Variants in ZDHHC21 observed in about 807,000 individuals in gnomAD.
ZDHHC21 encodes the protein palmitoyltransferase ZDHHC21.
In ZDHHC21, 15 loss-of-function variants were observed where a neutral mutation model predicts 34.6. The observed-to-expected ratio is 0.43, with a 90% CI of 0.29 to 0.67. The LOEUF (loss-of-function observed/expected upper bound fraction) is 0.67, where lower values mean the gene tolerates loss of function less well. Ranked by LOEUF, ZDHHC21 falls within the 30% of genes least tolerant of loss-of-function variation. The pLI is 0.14. For missense variants in ZDHHC21, 344 were observed against 327.7 expected (o/e 1.05, Z -0.38); for synonymous variants, 142 against 101.8 (o/e 1.40, Z -2.38).
intron 7 of ZDHHC21, among the ~76,000 whole-genome samples, chr9:14,651,430 C>T (rs780452559): frequency 5.9e-5 from 9 of 151,760 alleles, no homozygotes; most frequent in African/African-American, 9.7e-5. Context: ...GGGACATGGG[C>T]CCAAATCACA....
chr9:14,595,894 G>C, the ZDHHC21 span, among the ~76,000 whole-genome samples: 2 of 152,194 alleles, frequency 1.3e-5, no homozygotes, highest in African/African-American at 4.8e-5. Flanking sequence ...AGATACACTA[G>C]AGTGGCTAAA....
chr9:14,628,280 T>C (rs1300171354), intron 8 of ZDHHC21, among the ~76,000 whole-genome samples: 1 of 152,158 alleles, frequency 6.6e-6, no homozygotes, highest in African/African-American at 2.4e-5. Flanking sequence ...TCTTGCTAGG[T>C]CTAAAATGAC....
In ZDHHC21 at chr9:14,658,809, GT is replaced by G. The variant is rs1564321368; in HGVS notation, c.443del (p.Tyr148SerfsTer3). 6.2e-7 allele frequency: 1 copy of G among 1,613,692 alleles called. No individual in the cohort carries two copies. Among genetic ancestry groups the G allele is most frequent in the Non-Finnish European group, 8.5e-7 (1 of 1,179,860 alleles). ...LCFYTELLTC[Y>X]ALMFSFCHYY... Reference sequence around the variant, plus strand: ...AGTGGCAGAAAGAAAACATCAGTGCGTAGCAAGTAAGAAGTTCAGTGTAGAA... The same window carrying G: ...AGTGGCAGAAAGAAAACATCAGTGCGAGCAAGTAAGAAGTTCAGTGTAGAA... On this transcript the variant is annotated frameshift_variant, in exon 7 of 10. Transcript: ENST00000380916. LOFTEE classifies it high-confidence loss of function.
At chr9:14,682,096 G>A (rs1421131053) in intron 2 of ZDHHC21, among the ~76,000 whole-genome samples, 2 of 152,136 alleles carry the variant, frequency 1.3e-5, no homozygotes, top group African/African-American at 4.8e-5. Context: ...ATGCCAGACT[G>A]TAAAGACCAC....
rs1056756659 is a variant in ZDHHC21 at position 14,611,430 on chromosome 9, A to G, written c.*7536T>C. 6.6e-6 allele frequency: 1 copy of G among 152,032 alleles called. No homozygotes were observed. The highest frequency in any genetic ancestry group is 2.4e-5 in the African/African-American group (1 of 41,430). The allele number at this position is 152,032 out of a possible 1,614,324, so 9.4% of individuals were successfully genotyped here. ...ACCATCAACACTAGAAATATTGGTG[A>G]AGATTTTCTTCAAATTCTCTTAGGG... On this transcript the variant is annotated 3_prime_UTR_variant, in exon 10 of 10. Transcript: ENST00000380916.
At position 14,644,692 on chromosome 9, in the gene ZDHHC21, T is replaced by C. The variant is rs188959224; in HGVS notation, c.505-4680A>G. ...AATGTGATAAAATATACTGACTTAT[T>C]TTCTAGTGCAAAAACCACCTTTCAT... is the stretch of plus-strand genomic sequence containing the variant. On this transcript the variant is annotated intron_variant, in intron 7 of 9. Coordinates refer to ENST00000380916, the MANE Select transcript of ZDHHC21 (RefSeq NM_178566.6). Among the ~76,000 whole-genome samples, 38 of 152,126 alleles carry C rather than the reference T, an allele frequency of 2.5e-4. 1 individual carries two copies. The South Asian group carries it at 7.7e-3, about 31-fold the overall frequency.
the ZDHHC21 span, among the ~76,000 whole-genome samples, chr9:14,596,301 G>A: frequency 0.082 from 12,547 of 152,260 alleles, 1,347 homozygotes; most frequent in African/African-American, 0.25. Flanking sequence ...AGTGGTGGTA[G>A]CCACAGCATC....
At chr9:14,685,814 T>A (rs191712370) in intron 2 of ZDHHC21, among the ~76,000 whole-genome samples, 2,639 of 152,290 alleles carry the variant, frequency 0.017, 28 homozygotes, top group Non-Finnish European at 0.025. Flanking sequence ...CAAATGTTCA[T>A]CAATGATAGA....
chr9:14,668,842 A>G (rs1834965476), intron 5 of ZDHHC21, among the ~76,000 whole-genome samples: 1 of 131,762 alleles, frequency 7.6e-6, no homozygotes, highest in Non-Finnish European at 1.6e-5. Context: ...ACCTTATACA[A>G]AAATCAATTC....
the ZDHHC21 span, among the ~76,000 whole-genome samples, chr9:14,593,342 A>G: frequency 0.083 from 12,630 of 152,290 alleles, 1,364 homozygotes; most frequent in African/African-American, 0.25. Context: ...AATTGAAAGG[A>G]TTTTAAGGGA....
At chr9:14,605,445 G>C in the ZDHHC21 span, among the ~76,000 whole-genome samples, 1 of 152,174 alleles carries the variant, frequency 6.6e-6, no homozygotes, top group African/African-American at 2.4e-5. Flanking sequence ...GTGATGTTGA[G>C]CATCCCTTCA....
downstream of ZDHHC21, among the ~76,000 whole-genome samples, chr9:14,609,129 G>A (rs185606314): frequency 2.6e-5 from 4 of 151,720 alleles, no homozygotes; most frequent in East Asian, 3.9e-4. Flanking sequence ...CCACACTATC[G>A]CTTAAAAAAG....
chr9:14,594,360 A>C, the ZDHHC21 span, among the ~76,000 whole-genome samples: 1 of 152,364 alleles, frequency 6.6e-6, no homozygotes, highest in East Asian at 1.9e-4. Context: ...TGTTATAACG[A>C]TAAGAACAAC....
chr9:14,629,201 G>A (rs182120964), intron 8 of ZDHHC21, among the ~76,000 whole-genome samples: 263 of 152,314 alleles, frequency 1.7e-3, no homozygotes, highest in Middle Eastern at 6.8e-3. Flanking sequence ...AGTGCTCTGA[G>A]AGGTTACTAC....
chr9:14,686,960 G>A (rs1282584063), intron 2 of ZDHHC21, among the ~76,000 whole-genome samples: 2 of 138,366 alleles, frequency 1.4e-5, no homozygotes, highest in Admixed American at 7.3e-5. Flanking sequence ...GCGACAGGGC[G>A]AGACTTCATC....
intron 2 of ZDHHC21, among the ~76,000 whole-genome samples, chr9:14,682,893 C>A (rs1285588495): frequency 2.6e-5 from 4 of 152,160 alleles, no homozygotes; most frequent in Admixed American, 2.0e-4. Flanking sequence ...TCACTCAAAA[C>A]CGAACAACTA....
intron 8 of ZDHHC21, among the ~76,000 whole-genome samples, chr9:14,625,527 T>G (rs1826050654): frequency 6.6e-6 from 1 of 151,960 alleles, no homozygotes; most frequent in South Asian, 2.1e-4. Context: ...ATACCTCCAT[T>G]TCCAAATAAT....
chr9:14,618,221 C>A lies in ZDHHC21; in HGVS notation c.*745G>T, dbSNP rs1824626660. On this transcript the variant is annotated 3_prime_UTR_variant, in exon 10 of 10. Transcript: ENST00000380916. ...CACTGGTCAGGAGTTCTCCTGGGAG[C>A]AAATATTTTAATCACAATCAATAAT... 6.6e-6 allele frequency: 1 copy of A among 152,214 alleles called. No individual in the cohort carries two copies. The highest frequency in any genetic ancestry group is 1.5e-5 in the Non-Finnish European group (1 of 67,910). 9.4% of individuals were successfully genotyped at this position (152,214 alleles called of 1,614,324 possible). A position where few individuals can be genotyped will look rare whatever the true frequency, so the allele number is the denominator to read the frequency against.
intron 8 of ZDHHC21, among the ~76,000 whole-genome samples, chr9:14,629,238 T>C (rs1418821598): frequency 6.6e-6 from 1 of 152,208 alleles, no homozygotes; most frequent in Non-Finnish European, 1.5e-5. Context: ...ATGAAACTTT[T>C]GGAGGGAGCA....
Sources: allele counts gnomAD v4.1 joint callset (sites outside exome capture counted in the v4.1 genomes callset), GRCh38; gene constraint gnomAD v4.1.1; transcripts MANE v1.5; gene names NCBI Gene and HGNC (gene_info 2026-07-23, HGNC 2026-07-21).